The following PAPPA2 variants were observed in gnomAD, a reference collection of about 807,000 sequenced individuals.
PAPPA2 encodes pappalysin-2.
PAPPA2 carries 86 observed loss-of-function variants against 176.4 expected under a neutral mutation model. The ratio of observed to expected loss-of-function variants is 0.49; its 90% CI spans 0.41 to 0.58. The LOEUF (loss-of-function observed/expected upper bound fraction) is 0.58, where lower values mean the gene tolerates loss of function less well. Among genes scored for constraint, PAPPA2 ranks in the 20% least tolerant of loss-of-function variants. The pLI, the probability that PAPPA2 is intolerant of heterozygous loss-of-function variation, is 0.00. For synonymous variants in PAPPA2, 809 were observed against 852.2 expected (o/e 0.95, Z 0.88); for missense variants, 2,073 against 2,256.9 (o/e 0.92, Z 1.65).
chr1:176,779,539 G>A (rs984280296), intron 17 of PAPPA2, among the ~76,000 whole-genome samples: 4 of 151,726 alleles, frequency 2.6e-5, no homozygotes, highest in Non-Finnish European at 5.9e-5. Flanking sequence ...GAGAGAGAGA[G>A]AGGAGTGTGG....
chr1:176,791,443 A>C lies in PAPPA2; in HGVS notation c.4981A>C (p.Asn1661His), dbSNP rs760534469. 1 of 1,613,960 alleles carries C rather than the reference A, an allele frequency of 6.2e-7. No individual in the cohort carries two copies. The highest frequency in any genetic ancestry group is 8.5e-7 in the Non-Finnish European group (1 of 1,179,862). ...GECPPPPSEL[N>H]SVEYKCEQGY... ...ATGCCCACCACCCCCCTCAGAGCTGAATTCTGTGGAGTACAAATGTGAACA... is the reference window on the plus strand; with the variant it reads ...ATGCCCACCACCCCCCTCAGAGCTGCATTCTGTGGAGTACAAATGTGAACA... Residue 1661 changes from asparagine to histidine, a missense_variant, in exon 19 of 23, where the codon AAT (asparagine) becomes CAT (histidine). Asn to His is a moderately conservative substitution (Grantham distance 68). Transcript: ENST00000367662.
intron 1 of PAPPA2, among the ~76,000 whole-genome samples, chr1:176,540,521 C>T (rs1650309395): frequency 6.6e-6 from 1 of 152,214 alleles, no homozygotes; most frequent in African/African-American, 2.4e-5. Context: ...ATCTGTGAGG[C>T]AATCCAGAGC....
At chr1:176,568,575 C>T (rs1222660642) in intron 2 of PAPPA2, among the ~76,000 whole-genome samples, 1 of 152,188 alleles carries the variant, frequency 6.6e-6, no homozygotes, top group East Asian at 1.9e-4. Context: ...TGAAGAGCCC[C>T]AACCTTCCTC....
At chr1:176,655,756 G>T (rs1273285136) in intron 3 of PAPPA2, among the ~76,000 whole-genome samples, 1 of 151,742 alleles carries the variant, frequency 6.6e-6, no homozygotes, top group South Asian at 2.1e-4. Flanking sequence ...TGGGCGATAG[G>T]CACATTAAAA....
chr1:176,776,126 G>A (rs1433909622), intron 17 of PAPPA2, among the ~76,000 whole-genome samples: 2 of 151,812 alleles, frequency 1.3e-5, no homozygotes, highest in Non-Finnish European at 2.9e-5. Context: ...TGATTTCCTG[G>A]GAAGCTAAAG....
At chr1:176,653,767 A>T (rs996946492) in intron 3 of PAPPA2, among the ~76,000 whole-genome samples, 1 of 151,406 alleles carries the variant, frequency 6.6e-6, no homozygotes, top group African/African-American at 2.4e-5. Flanking sequence ...TTCTGTCTCT[A>T]TTGCTCTTTT....
At chr1:176,775,513 A>G (rs778209435) in intron 17 of PAPPA2, among the ~76,000 whole-genome samples, 78 of 152,216 alleles carry the variant, frequency 5.1e-4, no homozygotes, top group Non-Finnish European at 1.0e-3. Context: ...ACAGACATTT[A>G]TGCCTGATTA....
At chr1:176,745,087 T>G (rs1662846506) in intron 14 of PAPPA2, among the ~76,000 whole-genome samples, 6 of 152,200 alleles carry the variant, frequency 3.9e-5, no homozygotes, top group Admixed American at 3.9e-4. Flanking sequence ...AGTCAATTTG[T>G]TTGTTGCCTC....
chr1:176,574,155 G>T (rs572148964), intron 2 of PAPPA2, among the ~76,000 whole-genome samples: 47 of 152,194 alleles, frequency 3.1e-4, no homozygotes, highest in Non-Finnish European at 5.7e-4. Flanking sequence ...GGCAGGTTTT[G>T]CCAGCTGTCA....
intron 3 of PAPPA2, among the ~76,000 whole-genome samples, chr1:176,630,101 G>T (rs1294686868): frequency 6.6e-6 from 1 of 152,080 alleles, no homozygotes; most frequent in African/African-American, 2.4e-5. Context: ...AATATATGCC[G>T]ACTAACTAAC....
chr1:176,789,628 G>T (rs752757347), intron 17 of PAPPA2, among the ~76,000 whole-genome samples, 181 bp from the exon 18 acceptor site: 1 of 152,054 alleles, frequency 6.6e-6, no homozygotes, highest in Non-Finnish European at 1.5e-5. Flanking sequence ...AATAATAAAT[G>T]AACATTACTA....
intron 17 of PAPPA2, among the ~76,000 whole-genome samples, chr1:176,776,631 T>C (rs946703576): frequency 6.6e-6 from 1 of 152,060 alleles, no homozygotes; most frequent in Non-Finnish European, 1.5e-5. Context: ...GTTTGACCCA[T>C]TTCCACACAC....
intron 2 of PAPPA2, among the ~76,000 whole-genome samples, chr1:176,577,754 G>A (rs772881311): frequency 3.9e-5 from 6 of 152,062 alleles, no homozygotes; most frequent in South Asian, 4.1e-4. Context: ...AAGGCTGCAC[G>A]TACATGTGTG....
At chr1:176,520,115 T>G (rs1649132065) in intron 1 of PAPPA2, among the ~76,000 whole-genome samples, 1 of 152,144 alleles carries the variant, frequency 6.6e-6, no homozygotes. Context: ...GCATTACCAG[T>G]TTTGTCTTAC....
Position 176,778,777 on chromosome 1 carries a change from A to G in PAPPA2, c.4715+7597A>G, listed in dbSNP as rs6657626. Among the ~76,000 whole-genome samples, 349 of 152,314 alleles carry G rather than the reference A, an allele frequency of 2.3e-3. 1 individual carries two copies. The highest frequency in any genetic ancestry group is 8.2e-3 in the African/African-American group (340 of 41,580). Reference sequence around the variant, plus strand: ...ACTCATGTATCTGTGAGAAATAGAAATTTGTTTTCTTTCCAATAAGACCTT... The same window carrying G: ...ACTCATGTATCTGTGAGAAATAGAAGTTTGTTTTCTTTCCAATAAGACCTT... On this transcript the variant is annotated intron_variant, in intron 17 of 22. Coordinates refer to ENST00000367662, the MANE Select transcript of PAPPA2 (RefSeq NM_020318.3).
chr1:176,602,102 A>T (rs1654358438), intron 3 of PAPPA2, among the ~76,000 whole-genome samples: 1 of 152,188 alleles, frequency 6.6e-6, no homozygotes, highest in South Asian at 2.1e-4. Flanking sequence ...TGAAGCAGAA[A>T]ATGGGGATAC....
At chr1:176,606,277 C>T (rs1233314035) in intron 3 of PAPPA2, among the ~76,000 whole-genome samples, 1 of 152,042 alleles carries the variant, frequency 6.6e-6, no homozygotes, top group African/African-American at 2.4e-5. Flanking sequence ...TTTCCAACTG[C>T]GATTCTATAT....
At chr1:176,674,014 A>G (rs1192651069) in intron 4 of PAPPA2, among the ~76,000 whole-genome samples, 1 of 152,024 alleles carries the variant, frequency 6.6e-6, no homozygotes, top group East Asian at 1.9e-4. Context: ...TCTGCTTGTG[A>G]TTTTCTTTTA....
chr1:176,812,379 G>A (rs1430625413), intron 21 of PAPPA2, among the ~76,000 whole-genome samples: 1 of 152,052 alleles, frequency 6.6e-6, no homozygotes, highest in African/African-American at 2.4e-5. Flanking sequence ...TGATTTTGCT[G>A]AAGTTATAAG....
Sources: allele counts gnomAD v4.1 joint callset (sites outside exome capture counted in the v4.1 genomes callset), GRCh38; gene constraint gnomAD v4.1.1; transcripts MANE v1.5; gene names NCBI Gene and HGNC (gene_info 2026-07-23, HGNC 2026-07-21).